SLC8A1: variants seen among roughly 807,000 people sequenced by gnomAD.
The protein encoded by SLC8A1 is sodium/calcium exchanger 1.
In SLC8A1, 18 loss-of-function variants were observed where a neutral mutation model predicts 68.3. The ratio of observed to expected loss-of-function variants is 0.26; its 90% CI spans 0.18 to 0.39. SLC8A1 has a LOEUF of 0.39. SLC8A1 is among the 10% of genes least tolerant of loss of function. SLC8A1 has a pLI of 1.00. For missense variants in SLC8A1, 985 were observed against 1,156.7 expected, an observed-to-expected ratio of 0.85 and a Z score of 2.15; for synonymous variants, 475 against 415.5, an observed-to-expected ratio of 1.14 and a Z score of -1.74.
chr2:40,305,316 A>G (rs1329502486), intron 2 of SLC8A1, among the ~76,000 whole-genome samples: 1 of 152,162 alleles, frequency 6.6e-6, no homozygotes, highest in African/African-American at 2.4e-5. Flanking sequence ...GAGGGCTGAT[A>G]ATATTTAGTT....
chr2:40,350,096 T>C (rs1334026010), intron 2 of SLC8A1, among the ~76,000 whole-genome samples: 1 of 152,190 alleles, frequency 6.6e-6, no homozygotes, highest in Non-Finnish European at 1.5e-5. Flanking sequence ...CTTACTTGGA[T>C]GTTTGTGTTT....
intron 1 of SLC8A1, among the ~76,000 whole-genome samples, chr2:40,434,567 T>C (rs554802165): frequency 1.3e-5 from 2 of 152,190 alleles, no homozygotes; most frequent in Non-Finnish European, 1.5e-5. Context: ...TGTGGATATG[T>C]TGATTTGCTG....
chr2:40,422,764 A>G (rs561710208), intron 2 of SLC8A1, among the ~76,000 whole-genome samples: 84 of 152,322 alleles, frequency 5.5e-4, no homozygotes, highest in African/African-American at 1.9e-3. Context: ...ATATTTTACT[A>G]CAAATCTGTT....
chr2:40,436,185 T>C (rs145035481), intron 1 of SLC8A1, among the ~76,000 whole-genome samples: 295 of 152,200 alleles, frequency 1.9e-3, no homozygotes, highest in African/African-American at 6.4e-3. Flanking sequence ...TTTTTTTTCA[T>C]TGAGGTATTC....
rs148532944 is a variant in SLC8A1 at position 40,418,890 on chromosome 2, G to A, written c.1808+9583C>T. ...TGGGGAAAAGCAGGCACAGGGGGTA[G>A]GTTGCTCCTAGAGTGGACAGCAACA... On this transcript the variant is annotated intron_variant, in intron 2 of 7. Transcript: ENST00000406785. Among the ~76,000 whole-genome samples the A allele has an allele frequency of 3.1e-3, 477 of 152,212 alleles. 3 individuals carry two copies. Among genetic ancestry groups the A allele is most frequent in the African/African-American group, 0.011 (459 of 41,550 alleles).
chr2:40,331,743 A>G (rs1260934879), intron 2 of SLC8A1, among the ~76,000 whole-genome samples: 1 of 151,766 alleles, frequency 6.6e-6, no homozygotes, highest in Admixed American at 6.6e-5. Context: ...ACAGGCGGCC[A>G]CCACTGTGCC....
At chr2:40,241,461 C>T (rs1574566065) in intron 2 of SLC8A1, among the ~76,000 whole-genome samples, 2 of 152,126 alleles carry the variant, frequency 1.3e-5, no homozygotes, top group Admixed American at 1.3e-4. Flanking sequence ...ACATGTACCC[C>T]CTCCGTCAAA....
intron 2 of SLC8A1, among the ~76,000 whole-genome samples, chr2:40,313,284 T>A (rs540093700): frequency 2.2e-4 from 34 of 152,240 alleles, no homozygotes; most frequent in African/African-American, 7.7e-4. Context: ...AGTTCATTCC[T>A]TTTTATTGCT....
intron 3 of SLC8A1, chr2:40,175,831 T>C: frequency 3.9e-6 from 1 of 256,026 alleles, no homozygotes; most frequent in South Asian, 3.8e-5. Flanking sequence ...TAGCCCAAGG[T>C]AAAGCACTAT....
intron 1 of SLC8A1, among the ~76,000 whole-genome samples, chr2:40,490,872 G>T (rs975796526): frequency 6.6e-6 from 1 of 152,072 alleles, no homozygotes; most frequent in Admixed American, 6.6e-5. Flanking sequence ...AGAATCATAT[G>T]CATCGTACTG....
At chr2:40,320,692 T>A (rs1369826585) in intron 2 of SLC8A1, among the ~76,000 whole-genome samples, 1 of 152,168 alleles carries the variant, frequency 6.6e-6, no homozygotes, top group Non-Finnish European at 1.5e-5. Context: ...GTTAAATGGA[T>A]CATGGAACAC....
intron 2 of SLC8A1, among the ~76,000 whole-genome samples, chr2:40,232,801 A>G (rs1369120650): frequency 3.4e-5 from 4 of 118,354 alleles, no homozygotes; most frequent in Non-Finnish European, 6.7e-5. Context: ...TCCTGTGTCC[A>G]TGTGATCTCA....
chr2:40,272,996 G>A (rs2066239537), intron 2 of SLC8A1, among the ~76,000 whole-genome samples: 1 of 152,324 alleles, frequency 6.6e-6, no homozygotes, highest in South Asian at 2.1e-4. Flanking sequence ...AGGCTGGAGT[G>A]CATTGGCAGG....
chr2:40,462,594 G>A (rs1359292765), intron 1 of SLC8A1, among the ~76,000 whole-genome samples: 1 of 151,568 alleles, frequency 6.6e-6, no homozygotes, highest in African/African-American at 2.4e-5. Context: ...GGATCGCTTA[G>A]CCCAGGAGTT....
intron 2 of SLC8A1, among the ~76,000 whole-genome samples, chr2:40,392,933 C>G (rs559795502): frequency 3.9e-5 from 6 of 152,154 alleles, no homozygotes; most frequent in African/African-American, 1.4e-4. Flanking sequence ...TGTAAGAACT[C>G]TAAAGATTAT....
At chr2:40,231,334 G>C (rs1396135037) in intron 2 of SLC8A1, among the ~76,000 whole-genome samples, 1 of 152,144 alleles carries the variant, frequency 6.6e-6, no homozygotes, top group Non-Finnish European at 1.5e-5. Context: ...TTGGACTTAT[G>C]GCATTCACAT....
At chr2:40,294,483 C>G (rs947038503) in intron 2 of SLC8A1, among the ~76,000 whole-genome samples, 1 of 151,986 alleles carries the variant, frequency 6.6e-6, no homozygotes, top group Non-Finnish European at 1.5e-5. Flanking sequence ...TAGACCCAAA[C>G]TTACTGATAA....
intron 7 of SLC8A1, 26 bp from the exon 11 acceptor site, chr2:40,115,655 T>C: frequency 6.3e-7 from 1 of 1,588,766 alleles, no homozygotes; most frequent in South Asian, 1.1e-5. Flanking sequence ...AGAAAGTCAA[T>C]GACACTCAAT....
intron 2 of SLC8A1, among the ~76,000 whole-genome samples, chr2:40,308,214 G>A (rs1303119952): frequency 6.6e-6 from 1 of 152,130 alleles, no homozygotes; most frequent in Non-Finnish European, 1.5e-5. Flanking sequence ...ATTCGTGGCA[G>A]TGACATTATC....
Sources: gnomAD v4.1 joint callset for allele counts (sites outside exome capture counted in the v4.1 genomes callset) on GRCh38, gnomAD v4.1.1 for gene constraint, MANE v1.5 for transcripts, NCBI Gene and HGNC (gene_info 2026-07-23, HGNC 2026-07-21) for gene names.